The following TMEM171 variants were observed in gnomAD, a reference collection of about 807,000 sequenced individuals.
TMEM171 encodes the protein transmembrane protein 171.
A neutral mutation model predicts 19.1 loss-of-function variants in TMEM171; 16 were observed. The ratio of observed to expected loss-of-function variants is 0.84; its 90% CI spans 0.57 to 1.27. TMEM171 has a LOEUF of 1.27. Among genes scored for constraint, TMEM171 ranks in the 50% most tolerant of loss-of-function variants. The probability of loss-of-function intolerance (pLI) is 0.00; values close to 1 mark genes in which losing one functional copy is unlikely to be tolerated. For missense variants in TMEM171, 429 were observed against 412.7 expected (o/e 1.04, Z -0.34); for synonymous variants, 153 against 163.4 (o/e 0.94, Z 0.48).
intron 1 of TMEM171, among the ~76,000 whole-genome samples, chr5:73,122,741 A>C (rs1744037910): frequency 6.6e-6 from 1 of 152,206 alleles, no homozygotes; most frequent in South Asian, 2.1e-4. Context: ...AAGTCCACCA[A>C]ACCCACTGTG....
At chr5:73,121,682 C>T (rs1744011132) in intron 1 of TMEM171, among the ~76,000 whole-genome samples, 1 of 152,118 alleles carries the variant, frequency 6.6e-6, no homozygotes, top group African/African-American at 2.4e-5. Context: ...TCTCCAACTT[C>T]CTTCTGATTC....
Position 73,123,796 on chromosome 5 carries a change from G to T in TMEM171, c.423G>T (p.Ala141=), listed in dbSNP as rs749102413. Residue 141 remains alanine, a synonymous_variant, in exon 2 of 4, where the codon GCG becomes GCT. Transcript: ENST00000454765. The stretch of plus-strand genomic sequence containing the variant: ...TCCCTGGATGTGGCTCCAACTGGGC[G>T]CAGGAACCGCTAAACGAGACAGACA... ...IWVPGCGSNW[A]QEPLNETDTG... is the part of the protein sequence containing the mutation. The T allele has an allele frequency of 1.2e-6, 2 of 1,612,626 alleles. No individual in the cohort carries two copies. The highest frequency in any genetic ancestry group is 1.7e-6 in the Non-Finnish European group (2 of 1,179,004).
intron 2 of TMEM171, 105 bp downstream of exon 2, chr5:73,124,118 C>T: frequency 2.0e-6 from 2 of 1,006,856 alleles, no homozygotes; most frequent in Non-Finnish European, 2.8e-6. Flanking sequence ...TCAATTCTTC[C>T]ATCTCTCACA....
At chr5:73,122,467 G>A (rs760531147) in intron 1 of TMEM171, among the ~76,000 whole-genome samples, 5 of 152,190 alleles carry the variant, frequency 3.3e-5, no homozygotes, top group African/African-American at 4.8e-5. Flanking sequence ...GAGTAGTGGC[G>A]TGATCTTGGC....
In TMEM171 at chr5:73,129,459, CTT is replaced by C. The variant is rs775077784; in HGVS notation, c.782+930_782+931del. Among the ~76,000 whole-genome samples the C allele has an allele frequency of 5.3e-5, 8 of 152,286 alleles. No individual in the cohort carries two copies. The South Asian group carries it at 1.7e-3, about 32-fold the overall frequency. ...GGTGGGTGTTTGCAAAGGGAGTAGT[CTT>C]TGGTCCTTTTGTTACTCAGGGGTGG... is the stretch of plus-strand genomic sequence containing the variant. On this transcript the variant is annotated intron_variant, in intron 3 of 3. Coordinates refer to ENST00000454765, the MANE Select transcript of TMEM171 (RefSeq NM_173490.8).
chr5:73,131,466 AAAG>A, intron 3 of TMEM171, 69 bp from the exon 4 acceptor site: 1 of 1,262,548 alleles, frequency 7.9e-7, no homozygotes, highest in Non-Finnish European at 1.1e-6. Context: ...AAACATTTGA[AAAG>A]AACCTAGTAC....
At chr5:73,126,268 T>C (rs1370059216) in intron 2 of TMEM171, among the ~76,000 whole-genome samples, 4 of 152,230 alleles carry the variant, frequency 2.6e-5, no homozygotes, top group Non-Finnish European at 5.9e-5. Flanking sequence ...CCAATTCCTC[T>C]AACCTACCAA....
chr5:73,128,502 C>G lies in TMEM171; in HGVS notation c.753C>G (p.Pro251=). The part of the protein sequence containing the change: ...GTNSLLPNEN[P]PSYYSIFNYG... Reference sequence around the variant, plus strand: ...ACAGTCTGCTTCCGAATGAAAACCCCCCTTCATATTACAGTATTTTCAACT... The same window carrying G: ...ACAGTCTGCTTCCGAATGAAAACCCGCCTTCATATTACAGTATTTTCAACT... Residue 251 remains proline, a synonymous_variant, in exon 3 of 4, where the codon CCC becomes CCG. Transcript: ENST00000454765. The G allele has an allele frequency of 3.1e-6, 5 of 1,614,022 alleles. No individual in the cohort carries two copies. Among genetic ancestry groups the G allele is most frequent in the Non-Finnish European group, 3.4e-6 (4 of 1,180,026 alleles).
chr5:73,122,871 A>G (rs1414734683), intron 1 of TMEM171, among the ~76,000 whole-genome samples: 3 of 152,362 alleles, frequency 2.0e-5, no homozygotes, highest in African/African-American at 4.8e-5. Flanking sequence ...ATGGAAAGTT[A>G]GTTACTGAAC....
intron 3 of TMEM171, 94 bp downstream of exon 3, chr5:73,128,625 G>C: frequency 6.7e-7 from 1 of 1,488,072 alleles, no homozygotes; most frequent in Non-Finnish European, 9.1e-7. Flanking sequence ...TCAAGTGTGA[G>C]TATCTTTTTT....
intron 2 of TMEM171, among the ~76,000 whole-genome samples, chr5:73,127,407 A>ATATATATATATATATATATATAT (rs1364234564): frequency 2.8e-4 from 38 of 136,936 alleles, no homozygotes; most frequent in African/African-American, 7.1e-4. Flanking sequence ...ATATATATAT[A>ATATATATATATATATATATATAT]AAGCATAAAC....
Position 73,131,754 on chromosome 5 carries a change from A to T in TMEM171, c.*24A>T. 4 of 1,545,502 alleles carry T rather than the reference A, an allele frequency of 2.6e-6. No homozygotes were observed. Among genetic ancestry groups the T allele is most frequent in the Non-Finnish European group, 3.5e-6 (4 of 1,146,918 alleles). Reference sequence around the variant, plus strand: ...AAACTATGGACTCTAGTTCAGTTTTATATGCAATGGATCACTATTTTATTT... The same window carrying T: ...AAACTATGGACTCTAGTTCAGTTTTTTATGCAATGGATCACTATTTTATTT... On this transcript the variant is annotated 3_prime_UTR_variant, in exon 4 of 4. Transcript: ENST00000454765.
intron 2 of TMEM171, among the ~76,000 whole-genome samples, chr5:73,127,011 A>ATG (rs1744179515): frequency 6.6e-6 from 1 of 152,188 alleles, no homozygotes; most frequent in African/African-American, 2.4e-5. Context: ...AACAGTAGCC[A>ATG]CAGAAATGCA....
intron 3 of TMEM171, among the ~76,000 whole-genome samples, chr5:73,129,646 A>G (rs1273002845): frequency 6.6e-6 from 1 of 152,196 alleles, no homozygotes; most frequent in Non-Finnish European, 1.5e-5. Context: ...GGGAAAAAAA[A>G]GAATGTTTAA....
chr5:73,127,384 A>AAAAAAAATATATATATATATATATAT, intron 2 of TMEM171, among the ~76,000 whole-genome samples: 3 of 81,680 alleles, frequency 3.7e-5, no homozygotes, highest in African/African-American at 1.3e-4. Context: ...AAAAAAAAAA[A>AAAAAAAATATATATATATATATATAT]ATATATATAT....
chr5:73,128,602 C>A, intron 3 of TMEM171, 71 bp downstream of exon 3: 1 of 1,543,470 alleles, frequency 6.5e-7, no homozygotes, highest in Admixed American at 1.9e-5. Flanking sequence ...CTGTGTGGTT[C>A]ACCAGGAGGC....
chr5:73,130,952 A>G (rs1258490499), intron 3 of TMEM171, among the ~76,000 whole-genome samples: 4 of 152,076 alleles, frequency 2.6e-5, no homozygotes, highest in African/African-American at 9.7e-5. Flanking sequence ...TAACTCCCAT[A>G]TCCAGTCTAG....
At position 73,123,433 on chromosome 5, in the gene TMEM171, A is replaced by G. The variant is rs1242828276; in HGVS notation, c.60A>G (p.Lys20=). The G allele has an allele frequency of 6.2e-7, 1 of 1,613,788 alleles. No individual in the cohort carries two copies. ...ACCAGCAGGACAGACACGTCAGCAA[A>G]CTCATCTTCTGCTTCTTTGTCTTCG... ...DGDQQDRHVS[K]LIFCFFVFGA... is the part of the protein sequence containing the mutation. Residue 20 remains lysine (K), a synonymous_variant, in exon 2 of 4, where the codon AAA becomes AAG. Transcript: ENST00000454765.
rs1385115116 is a variant in TMEM171 at position 73,128,424 on chromosome 5, A to G, written c.675A>G (p.Pro225=). 1.2e-6 allele frequency: 2 copies of G among 1,613,818 alleles called. No individual in the cohort carries two copies. Among genetic ancestry groups the G allele is most frequent in the East Asian group, 2.2e-5 (1 of 44,872 alleles). ...DSVIIFPPPP[P]PYFPESSASA... is the part of the protein sequence containing the mutation. ...TAATAATATTTCCACCCCCTCCACC[A>G]CCTTACTTTCCTGAATCTTCAGCTT... is the stretch of plus-strand genomic sequence containing the variant. The change falls in exon 3 of 4, where the codon CCA becomes CCG. Residue 225 remains proline, a synonymous_variant. Coordinates refer to ENST00000454765, the MANE Select transcript of TMEM171 (RefSeq NM_173490.8).
Sources: gnomAD v4.1 joint callset for allele counts (sites outside exome capture counted in the v4.1 genomes callset) on GRCh38, gnomAD v4.1.1 for gene constraint, MANE v1.5 for transcripts, NCBI Gene and HGNC (gene_info 2026-07-23, HGNC 2026-07-21) for gene names.